Variants in NLRP5 observed in about 807,000 individuals in gnomAD.
NLRP5 encodes NLR family pyrin domain containing 5, also known as NACHT, LRR and PYD domains-containing protein 5.
A neutral mutation model predicts 113.1 loss-of-function variants in NLRP5; 93 were observed. The observed-to-expected ratio is 0.82, with a 90% CI of 0.70 to 0.98. The LOEUF (loss-of-function observed/expected upper bound fraction) is 0.98, where lower values mean the gene tolerates loss of function less well. Ranked by LOEUF, NLRP5 falls within the 50% of genes least tolerant of loss-of-function variation. NLRP5 has a pLI of 0.00. For synonymous variants in NLRP5, 751 were observed against 600.7 expected (o/e 1.25, Z -3.66); for missense variants, 1,808 against 1,514.3 (o/e 1.19, Z -3.22).
Position 56,050,575 on chromosome 19 carries a change from C to A in NLRP5, c.3115C>A (p.Leu1039Ile), listed in dbSNP as rs1206047909. 6.2e-7 allele frequency: 1 copy of A among 1,613,670 alleles called. No homozygotes were observed. The highest frequency in any genetic ancestry group is 1.1e-5 in the South Asian group (1 of 91,048). Residue 1039 changes from leucine (L) to isoleucine (I), a missense_variant, in exon 12 of 15, where the codon CTC (leucine) becomes ATC (isoleucine). By Grantham distance (5) the Leu-to-Ile change is conservative (BLOSUM62 2). Transcript: ENST00000390649. ...GGTCATGAGAGAACCATCTTGTCAT[C>A]TCCAGGACCTGGAGTGAGTTTCCCA...
chr19:55,998,425 G>A (rs1052941536), upstream of NLRP5, among the ~76,000 whole-genome samples: 1 of 151,952 alleles, frequency 6.6e-6, no homozygotes, highest in Non-Finnish European at 1.5e-5. Flanking sequence ...AGGCCGAGGC[G>A]GGTGGGCCAC....
chr19:55,995,842 A>G (rs1981307152), upstream of NLRP5, among the ~76,000 whole-genome samples: 1 of 152,090 alleles, frequency 6.6e-6, no homozygotes, highest in African/African-American at 2.4e-5. Flanking sequence ...AGCTATTATA[A>G]AGGACATTGC....
chr19:55,990,649 A>G, the NLRP5 span, among the ~76,000 whole-genome samples: 3 of 151,770 alleles, frequency 2.0e-5, no homozygotes, highest in South Asian at 2.1e-4. Flanking sequence ...ACACGGTGAA[A>G]CCCCGTCTCT....
the NLRP5 span, among the ~76,000 whole-genome samples, chr19:55,989,224 T>C: frequency 6.6e-6 from 1 of 152,288 alleles, no homozygotes; most frequent in East Asian, 1.9e-4. Context: ...AAAATGATTT[T>C]TTAATGGGAG....
intron 3 of NLRP5, 71 bp downstream of exon 3, chr19:56,008,924 C>T (rs1245849430): frequency 1.7e-5 from 22 of 1,301,542 alleles, no homozygotes; most frequent in Admixed American, 1.9e-5. Flanking sequence ...CATCTCTAGG[C>T]ATTAGAACCA....
chr19:56,028,077 C>CAA lies in NLRP5; in HGVS notation c.1846_1847dup (p.Ser618GlyfsTer17), dbSNP rs1386576073. 8 of 1,614,030 alleles carry CAA rather than the reference C, an allele frequency of 5.0e-6. No homozygotes were observed. The highest frequency in any genetic ancestry group is 4.2e-6 in the Non-Finnish European group (5 of 1,179,896). On this transcript the variant is annotated frameshift_variant, in exon 7 of 15. Transcript: ENST00000390649. LOFTEE classifies it high-confidence loss of function. ...CTCTGCCCTCTGTACGTTGAGAAGA[C>CAA]AAAGAGGTCCATGGAGCTTAAACAG...
intron 11 of NLRP5, among the ~76,000 whole-genome samples, chr19:56,041,686 A>G (rs8109087): frequency 0.24 from 36,051 of 151,994 alleles, 4,856 homozygotes; most frequent in African/African-American, 0.38. Context: ...GGTGGCTCAC[A>G]CCTGTAACCC....
Position 56,019,379 on chromosome 19 carries a change from A to G in NLRP5, c.603A>G (p.Ala201=). ...CTATGGAACAAGAAGGTGCCACAGCAGCAGAGACAGAAGAACAAGGTGAGG... is the reference window on the plus strand; with the variant it reads ...CTATGGAACAAGAAGGTGCCACAGCGGCAGAGACAGAAGAACAAGGTGAGG... Residue 201 remains alanine (A), a synonymous_variant, in exon 5 of 15, where the codon GCA becomes GCG. Coordinates refer to ENST00000390649, the MANE Select transcript of NLRP5 (RefSeq NM_153447.4). The G allele has an allele frequency of 1.2e-6, 2 of 1,614,006 alleles. No individual in the cohort carries two copies. Among genetic ancestry groups the G allele is most frequent in the Non-Finnish European group, 1.7e-6 (2 of 1,179,874 alleles).
intron 7 of NLRP5, among the ~76,000 whole-genome samples, chr19:56,029,762 C>G (rs903165407): frequency 2.0e-5 from 3 of 151,866 alleles, no homozygotes; most frequent in Non-Finnish European, 2.9e-5. Flanking sequence ...AAGTAAGACC[C>G]TGTCTGTGGA....
intron 8 of NLRP5, among the ~76,000 whole-genome samples, chr19:56,033,091 CAAA>C: frequency 6.7e-6 from 1 of 148,606 alleles, no homozygotes; most frequent in South Asian, 2.1e-4. Context: ...ACTAAAAATA[CAAA>C]AAAAAAATTA....
Position 56,004,097 on chromosome 19 carries a change from T to C in NLRP5, c.442+2T>C. The stretch of plus-strand genomic sequence containing the variant: ...AGAAGGCACGGGATGACATGAAAAG[T>C]AAGCGAGACTTGGGACAAGTCTAGG... On this transcript the variant is annotated splice_donor_variant, in intron 2 of 14. Coordinates refer to ENST00000390649, the MANE Select transcript of NLRP5 (RefSeq NM_153447.4). LOFTEE classifies it high-confidence loss of function. 6.3e-7 allele frequency: 1 copy of C among 1,597,094 alleles called. No individual in the cohort carries two copies. The highest frequency in any genetic ancestry group is 8.5e-7 in the Non-Finnish European group (1 of 1,170,530).
At chr19:56,005,249 ATATATT>A (rs201421281) in intron 2 of NLRP5, among the ~76,000 whole-genome samples, 10,071 of 124,162 alleles carry the variant, frequency 0.081, 391 homozygotes, top group Admixed American at 0.091. Flanking sequence ...ATACACACAT[ATATATT>A]TATATATACA....
At chr19:56,039,762 A>C (rs2123321814) in intron 10 of NLRP5, among the ~76,000 whole-genome samples, 1 of 152,132 alleles carries the variant, frequency 6.6e-6, no homozygotes, top group African/African-American at 2.4e-5. Flanking sequence ...AAATACAAAA[A>C]AATTAGCTGT....
chr19:56,021,485 C>T (rs890778373), intron 6 of NLRP5, among the ~76,000 whole-genome samples: 10 of 152,102 alleles, frequency 6.6e-5, no homozygotes, highest in Admixed American at 5.9e-4. Context: ...TCACCAGTTT[C>T]CTCTCCCTCA....
chr19:56,059,086 T>C (rs1016641024), intron 14 of NLRP5, among the ~76,000 whole-genome samples: 8 of 152,224 alleles, frequency 5.3e-5, no homozygotes, highest in Non-Finnish European at 1.2e-4. Context: ...TGCAGAGTTT[T>C]AGTTTTGCAA....
In NLRP5 at chr19:56,038,922, C is replaced by T. The variant is rs895497584; in HGVS notation, c.2786+727C>T. ...AACTCTTGGGCCCAAGTGATCCTCCCGTCTTGGCCTCCTGAAGTTCTGGGA... is the reference window on the plus strand; with the variant it reads ...AACTCTTGGGCCCAAGTGATCCTCCTGTCTTGGCCTCCTGAAGTTCTGGGA... On this transcript the variant is annotated intron_variant, in intron 10 of 14. Coordinates refer to ENST00000390649, the MANE Select transcript of NLRP5 (RefSeq NM_153447.4). Among the ~76,000 whole-genome samples, 31 of 152,166 alleles carry T rather than the reference C, an allele frequency of 2.0e-4. 1 individual carries two copies. The highest frequency in any genetic ancestry group is 1.8e-3 in the Admixed American group (27 of 15,264).
At chr19:56,026,727 C>T (rs1053045628) in intron 6 of NLRP5, among the ~76,000 whole-genome samples, 186 bp from the exon 7 acceptor site, 2 of 151,474 alleles carry the variant, frequency 1.3e-5, no homozygotes, top group African/African-American at 2.4e-5. Context: ...CTACAGGTGC[C>T]AACTACCATG....
intron 6 of NLRP5, among the ~76,000 whole-genome samples, chr19:56,026,269 C>A (rs1982841460): frequency 6.6e-6 from 1 of 151,920 alleles, no homozygotes; most frequent in Non-Finnish European, 1.5e-5. Context: ...TGGTTCATGC[C>A]TGTAATCCCA....
rs948036034 is a variant in NLRP5 at position 56,022,677 on chromosome 19, G to GA, written c.679+2252dup. Among the ~76,000 whole-genome samples, 10 of 152,234 alleles carry GA rather than the reference G, an allele frequency of 6.6e-5. No homozygotes were observed. In the East Asian group the frequency reaches 7.7e-4, roughly 12 times the overall value. ...AACCTTTTTTTCTTGTTATCACTTA[G>GA]AAAAAACCTATGAGAGAATATTTTT... On this transcript the variant is annotated intron_variant, in intron 6 of 14. Transcript: ENST00000390649.
Sources: gnomAD v4.1 joint callset for allele counts (sites outside exome capture counted in the v4.1 genomes callset) on GRCh38, gnomAD v4.1.1 for gene constraint, MANE v1.5 for transcripts, NCBI Gene and HGNC (gene_info 2026-07-23, HGNC 2026-07-21) for gene names.